Variants in DLG2 observed in about 807,000 individuals in gnomAD.
DLG2 encodes the protein discs large MAGUK scaffold protein 2, also known as disks large homolog 2.
A neutral mutation model predicts 132.5 loss-of-function variants in DLG2; 45 were observed. That is an observed-to-expected ratio of 0.34 (90% confidence interval 0.27 to 0.44). The LOEUF (loss-of-function observed/expected upper bound fraction) is 0.44, where lower values mean the gene tolerates loss of function less well. Ranked by LOEUF, DLG2 falls within the 20% of genes least tolerant of loss-of-function variation. The probability of loss-of-function intolerance (pLI) is 1.00; values close to 1 mark genes in which losing one functional copy is unlikely to be tolerated. For missense variants in DLG2, 1,045 were observed against 1,196.9 expected (o/e 0.87, Z 1.87); for synonymous variants, 424 against 419.6 (o/e 1.01, Z -0.13).
chr11:83,762,524 T>C (rs982519616), intron 18 of DLG2, among the ~76,000 whole-genome samples: 1 of 152,148 alleles, frequency 6.6e-6, no homozygotes, highest in Non-Finnish European at 1.5e-5. Flanking sequence ...AGTTTGGGAA[T>C]TGTAGTAATT....
At chr11:84,180,360 T>C (rs1255360196) in intron 8 of DLG2, among the ~76,000 whole-genome samples, 1 of 151,698 alleles carries the variant, frequency 6.6e-6, no homozygotes, top group Non-Finnish European at 1.5e-5. Context: ...AAATAACCAA[T>C]AGAGAACATT....
chr11:83,775,956 G>A (rs987400531), intron 18 of DLG2, among the ~76,000 whole-genome samples: 3 of 152,106 alleles, frequency 2.0e-5, no homozygotes, highest in Admixed American at 2.0e-4. Flanking sequence ...GCCAGGTGTG[G>A]TGGCAGGAGC....
Position 84,585,028 on chromosome 11 carries a change from T to A in DLG2, c.358-50297A>T, listed in dbSNP as rs560355200. On this transcript the variant is annotated intron_variant, in intron 6 of 27. Transcript: ENST00000376104. ...TGTAGTTGAGTTCAACATCTTTCAA[T>A]TATTGGTTCATGATTTTTTTAAGAT... Among the ~76,000 whole-genome samples the A allele has an allele frequency of 5.3e-5, 8 of 152,258 alleles. No individual in the cohort carries two copies. The South Asian group carries it at 1.7e-3, about 32-fold the overall frequency.
Position 85,232,611 on chromosome 11 carries a change from T to C in DLG2, c.186+52609A>G, listed in dbSNP as rs1223225808. Reference sequence around the variant, plus strand: ...GTATAAATACTTTCAATATTTCTTATAGATTCTTTCTTTGTTTTTCTCTCA... The same window carrying C: ...GTATAAATACTTTCAATATTTCTTACAGATTCTTTCTTTGTTTTTCTCTCA... On this transcript the variant is annotated intron_variant, in intron 4 of 27. Transcript: ENST00000376104. Among the ~76,000 whole-genome samples the C allele has an allele frequency of 3.9e-5, 6 of 152,070 alleles. 1 individual carries two copies. The highest frequency in any genetic ancestry group is 6.8e-3 in the Middle Eastern group (2 of 294).
chr11:84,410,379 T>A (rs1044747315), intron 7 of DLG2, among the ~76,000 whole-genome samples: 1 of 152,070 alleles, frequency 6.6e-6, no homozygotes, highest in Non-Finnish European at 1.5e-5. Context: ...TCCACAGATA[T>A]TTGAAATATA....
At chr11:83,628,327 C>G (rs2062970017) in intron 19 of DLG2, among the ~76,000 whole-genome samples, 1 of 152,136 alleles carries the variant, frequency 6.6e-6, no homozygotes, top group African/African-American at 2.4e-5. Context: ...CCCAGAGAAA[C>G]TGATTCGTCC....
chr11:85,140,829 T>C (rs550510841), intron 5 of DLG2, among the ~76,000 whole-genome samples: 1 of 151,940 alleles, frequency 6.6e-6, no homozygotes, highest in Non-Finnish European at 1.5e-5. Context: ...ACAGAACATG[T>C]GAAATTTGTC....
At chr11:84,703,881 T>TATATATAC (rs1039735623) in intron 6 of DLG2, among the ~76,000 whole-genome samples, 3 of 122,746 alleles carry the variant, frequency 2.4e-5, no homozygotes, top group South Asian at 2.5e-4. Context: ...TATATATATA[T>TATATATAC]ATACACGTGT....
chr11:83,560,804 G>A (rs1021486237), intron 19 of DLG2, among the ~76,000 whole-genome samples: 10 of 151,438 alleles, frequency 6.6e-5, no homozygotes, highest in African/African-American at 9.7e-5. Context: ...CAGGGTCCTC[G>A]ATTGTAACTA....
At chr11:83,804,944 C>CT (rs1018712377) in intron 17 of DLG2, among the ~76,000 whole-genome samples, 1 of 151,134 alleles carries the variant, frequency 6.6e-6, no homozygotes, top group Non-Finnish European at 1.5e-5. Flanking sequence ...AAAATTTACT[C>CT]TTTTTTTAAA....
chr11:83,780,300 C>T (rs2094761520), intron 18 of DLG2, among the ~76,000 whole-genome samples: 1 of 152,118 alleles, frequency 6.6e-6, no homozygotes, highest in African/African-American at 2.4e-5. Flanking sequence ...ATATCTTTGA[C>T]CCCATAGAGA....
chr11:84,461,330 A>C (rs998291718), intron 7 of DLG2, among the ~76,000 whole-genome samples: 1 of 150,940 alleles, frequency 6.6e-6, no homozygotes, highest in Non-Finnish European at 1.5e-5. Context: ...CACATGGAAC[A>C]ATTAACACAG....
intron 3 of DLG2, among the ~76,000 whole-genome samples, chr11:85,448,860 A>G (rs1023110717): frequency 6.6e-6 from 1 of 152,132 alleles, no homozygotes; most frequent in African/African-American, 2.4e-5. Context: ...AAACACTAAT[A>G]TATTTAAAGT....
intron 6 of DLG2, among the ~76,000 whole-genome samples, chr11:84,983,166 CA>C (rs1295752207): frequency 6.6e-6 from 1 of 152,054 alleles, no homozygotes; most frequent in Non-Finnish European, 1.5e-5. Flanking sequence ...ACTTTTGTTC[CA>C]AAATGACTGC....
chr11:84,848,211 C>T (rs1377604300), intron 6 of DLG2, among the ~76,000 whole-genome samples: 2 of 151,914 alleles, frequency 1.3e-5, no homozygotes, highest in Admixed American at 6.6e-5. Flanking sequence ...AAGCCAGTGA[C>T]GGCCTGGTGT....
chr11:85,246,565 C>T (rs1178466186), intron 4 of DLG2, among the ~76,000 whole-genome samples: 1 of 150,620 alleles, frequency 6.6e-6, no homozygotes, highest in Non-Finnish European at 1.5e-5. Context: ...TCCAGCCACA[C>T]ACACAAGTAA....
chr11:84,809,379 G>T (rs1409462249), intron 6 of DLG2, among the ~76,000 whole-genome samples: 1 of 151,526 alleles, frequency 6.6e-6, no homozygotes, highest in Admixed American at 6.6e-5. Flanking sequence ...AGCAAGACAA[G>T]GATATCTTTC....
At chr11:84,243,730 C>A (rs114939487) in intron 8 of DLG2, among the ~76,000 whole-genome samples, 209 of 152,298 alleles carry the variant, frequency 1.4e-3, no homozygotes, top group African/African-American at 4.8e-3. Context: ...AAGCCATGGA[C>A]CTATGTAACT....
At chr11:84,764,656 TAGA>T (rs1242957104) in intron 6 of DLG2, among the ~76,000 whole-genome samples, 4 of 152,080 alleles carry the variant, frequency 2.6e-5, no homozygotes, top group African/African-American at 4.8e-5. Flanking sequence ...TCTACACAAA[TAGA>T]AGAGCATATA....
Sources: allele counts gnomAD v4.1 joint callset (sites outside exome capture counted in the v4.1 genomes callset), GRCh38; gene constraint gnomAD v4.1.1; transcripts MANE v1.5; gene names NCBI Gene and HGNC (gene_info 2026-07-23, HGNC 2026-07-21).